Variants in SLIT2 observed in about 807,000 individuals in gnomAD.
SLIT2 encodes slit homolog 2 protein.
Under a neutral mutation model 185.7 loss-of-function variants are expected in SLIT2, and 41 were observed. The ratio of observed to expected loss-of-function variants is 0.22; its 90% CI spans 0.17 to 0.29. SLIT2 has a LOEUF of 0.29. Among genes scored for constraint, SLIT2 ranks in the 10% least tolerant of loss-of-function variants. The probability of loss-of-function intolerance (pLI) is 1.00; values close to 1 mark genes in which losing one functional copy is unlikely to be tolerated. For synonymous variants in SLIT2, 693 were observed against 680.2 expected (o/e 1.02, Z -0.29); for missense variants, 1,571 against 1,909.0 (o/e 0.82, Z 3.30).
intron 4 of SLIT2, among the ~76,000 whole-genome samples, chr4:20,308,112 A>T (rs888170322): frequency 1.3e-5 from 2 of 152,182 alleles, no homozygotes; most frequent in Admixed American, 1.3e-4. Flanking sequence ...TGTGCCTGGC[A>T]AGAGACACGC....
intron 9 of SLIT2, 50 bp from the exon 10 acceptor site, chr4:20,510,445 G>T (rs772577221): frequency 8.8e-7 from 1 of 1,133,414 alleles, no homozygotes; most frequent in Non-Finnish European, 1.3e-6. Flanking sequence ...AATTAAACAT[G>T]TCCGAAGGTT....
At chr4:20,344,836 T>C (rs1721254699) in intron 4 of SLIT2, among the ~76,000 whole-genome samples, 1 of 152,226 alleles carries the variant, frequency 6.6e-6, no homozygotes, top group Non-Finnish European at 1.5e-5. Flanking sequence ...TGAGAGTTTC[T>C]TTCTGTTATT....
chr4:20,439,181 G>C (rs56008233), intron 4 of SLIT2, among the ~76,000 whole-genome samples: 6,989 of 152,262 alleles, frequency 0.046, 253 homozygotes, highest in Non-Finnish European at 0.073. Flanking sequence ...ACACAGTTCC[G>C]AGGTATTAAT....
intron 4 of SLIT2, among the ~76,000 whole-genome samples, chr4:20,417,800 C>G (rs1195891388): frequency 6.6e-6 from 1 of 151,924 alleles, no homozygotes; most frequent in African/African-American, 2.4e-5. Flanking sequence ...TTACAGCCTG[C>G]TTCCCACAAT....
intron 4 of SLIT2, among the ~76,000 whole-genome samples, chr4:20,363,915 G>T (rs1196138672): frequency 6.6e-6 from 1 of 152,126 alleles, no homozygotes; most frequent in Non-Finnish European, 1.5e-5. Flanking sequence ...TGTGGGATGT[G>T]TAGAAAAACT....
At chr4:20,310,023 A>G (rs1202846159) in intron 4 of SLIT2, among the ~76,000 whole-genome samples, 1 of 151,942 alleles carries the variant, frequency 6.6e-6, no homozygotes, top group African/African-American at 2.4e-5. Context: ...GGCCTCCCCA[A>G]GTGCTGGGAT....
intron 9 of SLIT2, among the ~76,000 whole-genome samples, chr4:20,504,420 G>A (rs1560482161): frequency 6.6e-6 from 1 of 152,146 alleles, no homozygotes; most frequent in African/African-American, 2.4e-5. Context: ...GTATGTTACA[G>A]ACACAATCAA....
At position 20,441,281 on chromosome 4, in the gene SLIT2, G is replaced by A. The variant is rs77374038; in HGVS notation, c.396-26471G>A. On this transcript the variant is annotated intron_variant, in intron 4 of 36. Coordinates refer to ENST00000504154, the MANE Select transcript of SLIT2 (RefSeq NM_004787.4). ...GCCTTTCTTTAAGCTCATACATTTC[G>A]TGCTTGTGGCACAGGATACTGTTTT... is the stretch of plus-strand genomic sequence containing the variant. Among the ~76,000 whole-genome samples, 19 of 152,066 alleles carry A rather than the reference G, an allele frequency of 1.2e-4. No individual in the cohort carries two copies. The East Asian group carries it at 3.5e-3, about 28-fold the overall frequency.
At chr4:20,423,402 A>G (rs1243982712) in intron 4 of SLIT2, among the ~76,000 whole-genome samples, 3 of 152,150 alleles carry the variant, frequency 2.0e-5, no homozygotes, top group Non-Finnish European at 4.4e-5. Flanking sequence ...ATTAAAAAGT[A>G]TACTATAATT....
chr4:20,602,126 A>T (rs557260503), intron 33 of SLIT2, among the ~76,000 whole-genome samples: 1 of 152,224 alleles, frequency 6.6e-6, no homozygotes, highest in South Asian at 2.1e-4. Context: ...CACATAAATC[A>T]GTATGAAGAC....
chr4:20,256,698 G>T lies in SLIT2; in HGVS notation c.206G>T (p.Arg69Ile). 6.4e-7 allele frequency: 1 copy of T among 1,573,536 alleles called. No individual in the cohort carries two copies. Among genetic ancestry groups the T allele is most frequent in the South Asian group, 1.1e-5 (1 of 87,288 alleles). ...GATTTAAATGGAAATAACATCACAAGAATTACGAAGACAGATTTTGCTGGT... is the reference window on the plus strand; with the variant it reads ...GATTTAAATGGAAATAACATCACAATAATTACGAAGACAGATTTTGCTGGT... ...RLDLNGNNIT[R>I]ITKTDFAGLR... Residue 69 changes from arginine to isoleucine, a missense_variant, in exon 2 of 37, where the codon AGA (arginine) becomes ATA (isoleucine). By Grantham distance (97) the Arg-to-Ile change is moderately conservative (BLOSUM62 -3). Coordinates refer to ENST00000504154, the MANE Select transcript of SLIT2 (RefSeq NM_004787.4).
chr4:20,497,413 C>T (rs1718324618), intron 9 of SLIT2, among the ~76,000 whole-genome samples: 1 of 152,034 alleles, frequency 6.6e-6, no homozygotes, highest in African/African-American at 2.4e-5. Flanking sequence ...ATAGCTTGGT[C>T]TTGTTGGAAT....
chr4:20,519,065 A>G (rs982358965), intron 11 of SLIT2, among the ~76,000 whole-genome samples: 1 of 152,156 alleles, frequency 6.6e-6, no homozygotes, highest in Non-Finnish European at 1.5e-5. Context: ...CTCATTACAT[A>G]TGAACTGTGT....
chr4:20,277,265 T>C (rs1365185199), intron 4 of SLIT2, among the ~76,000 whole-genome samples: 1 of 152,182 alleles, frequency 6.6e-6, no homozygotes, highest in Non-Finnish European at 1.5e-5. Context: ...TGGGAGGTTT[T>C]AATATCCAAG....
At chr4:20,472,357 T>TATATAG (rs1445180611) in intron 5 of SLIT2, among the ~76,000 whole-genome samples, 1 of 24,562 alleles carries the variant, frequency 4.1e-5, no homozygotes. Flanking sequence ...GATATAGATA[T>TATATAG]CTATATAGAT....
chr4:20,590,963 G>A (rs905212250), intron 30 of SLIT2, among the ~76,000 whole-genome samples: 2 of 152,140 alleles, frequency 1.3e-5, no homozygotes, highest in African/African-American at 4.8e-5. Flanking sequence ...ATTACAGTTG[G>A]TATTGTGTAG....
At chr4:20,490,911 G>A (rs541695680) in intron 8 of SLIT2, 1 of 926,394 alleles carries the variant, frequency 1.1e-6, no homozygotes, top group East Asian at 2.6e-5. Flanking sequence ...GCCTCTTCCT[G>A]GCACGTCACC....
At position 20,595,823 on chromosome 4, in the gene SLIT2, C is replaced by T. The variant is rs141485155; in HGVS notation, c.3309C>T (p.Pro1103=). The change falls in exon 31 of 37, where the codon CCC becomes CCT. Residue 1103 remains proline, a synonymous_variant. Coordinates refer to ENST00000504154, the MANE Select transcript of SLIT2 (RefSeq NM_004787.4). ...TGAACGGCTATACGTGCATATGCCC[C>T]GAAGGTTACAGGTAAAAGCAGAAAT... is the stretch of plus-strand genomic sequence containing the variant. ...DAVNGYTCIC[P]EGYSGLFCEF... is the part of the protein sequence containing the mutation. The T allele has an allele frequency of 1.1e-3, 1,726 of 1,613,376 alleles. 2 individuals are homozygous for T. The highest frequency in any genetic ancestry group is 1.3e-3 in the African/African-American group (98 of 74,956).
chr4:20,548,860 C>A (rs768667826), intron 23 of SLIT2, among the ~76,000 whole-genome samples, 197 bp from the exon 24 acceptor site: 1 of 151,932 alleles, frequency 6.6e-6, no homozygotes, highest in African/African-American at 2.4e-5. Context: ...GAGTAGGCAG[C>A]GGGAAGCATT....
Sources: gnomAD v4.1 joint callset for allele counts (sites outside exome capture counted in the v4.1 genomes callset) on GRCh38, gnomAD v4.1.1 for gene constraint, MANE v1.5 for transcripts, NCBI Gene and HGNC (gene_info 2026-07-23, HGNC 2026-07-21) for gene names.